The following TSHR variants were observed in gnomAD, a reference collection of about 807,000 sequenced individuals.
The protein encoded by TSHR is thyrotropin receptor.
Under a neutral mutation model 64.1 loss-of-function variants are expected in TSHR, and 51 were observed. The observed-to-expected ratio is 0.80, with a 90% confidence interval of 0.64 to 1.01. TSHR has a LOEUF of 1.01. Ranked by LOEUF, TSHR falls within the 50% of genes least tolerant of loss-of-function variation. TSHR has a pLI of 0.00. For synonymous variants in TSHR, 361 were observed against 361.9 expected, an observed-to-expected ratio of 1.00 and a Z score of 0.03; for missense variants, 877 against 942.8, an observed-to-expected ratio of 0.93 and a Z score of 0.91.
intron 1 of TSHR, among the ~76,000 whole-genome samples, chr14:81,026,146 C>G (rs1057087112): frequency 6.6e-6 from 1 of 152,166 alleles, no homozygotes; most frequent in Non-Finnish European, 1.5e-5. Context: ...TGATAAGCAG[C>G]TTGAGGCTGT....
intron 3 of TSHR, chr14:81,087,444 C>A: frequency 5.5e-6 from 1 of 181,752 alleles, no homozygotes; most frequent in Non-Finnish European, 1.2e-5. Flanking sequence ...CAAAATAAAC[C>A]CAAGTGAACT....
chr14:81,011,733 T>C lies in TSHR; in HGVS notation c.171-50415T>C, dbSNP rs568345410. Among the ~76,000 whole-genome samples the C allele has an allele frequency of 8.0e-4, 122 of 152,254 alleles. No individual in the cohort carries two copies. In the Middle Eastern group the frequency reaches 0.02, roughly 25 times the overall value. ...TAACTACTAGGAAAAACTTTATTTT[T>C]CTGTTTTAATTACATTAAAAAGTCC... On this transcript the variant is annotated intron_variant, in intron 1 of 9. Transcript: ENST00000298171.
rs1043963528 is a variant in TSHR at position 80,959,209 on chromosome 14, G to A, written c.170+3359G>A. Among the ~76,000 whole-genome samples, 6 of 152,198 alleles carry A rather than the reference G, an allele frequency of 3.9e-5. No individual in the cohort carries two copies. The South Asian group carries it at 1.2e-3, about 32-fold the overall frequency. ...TGCTTTACCTGAGTGGAAGGTGAGG[G>A]AGAGCTGGGATCCCTACTTCCCCCA... On this transcript the variant is annotated intron_variant, in intron 1 of 9. Transcript: ENST00000298171.
intron 1 of TSHR, among the ~76,000 whole-genome samples, chr14:81,002,615 A>G (rs1156815456): frequency 2.0e-5 from 3 of 151,848 alleles, no homozygotes; most frequent in Non-Finnish European, 4.4e-5. Context: ...TCTTCGCCCT[A>G]TTCCCTCCAT....
intron 7 of TSHR, among the ~76,000 whole-genome samples, chr14:81,102,277 T>A (rs1373794311): frequency 1.3e-5 from 2 of 152,110 alleles, no homozygotes; most frequent in African/African-American, 4.8e-5. Flanking sequence ...AGCTTTCTCC[T>A]CAGACCATAT....
Position 81,058,108 on chromosome 14 carries a change from C to T in TSHR, c.171-4040C>T, listed in dbSNP as rs543346232. 3.3e-5 allele frequency among the ~76,000 whole-genome samples: 5 copies of T among 152,338 alleles called. No individual in the cohort carries two copies. The East Asian group carries it at 5.8e-4, about 18-fold the overall frequency. On this transcript the variant is annotated intron_variant, in intron 1 of 9. Coordinates refer to ENST00000298171, the MANE Select transcript of TSHR (RefSeq NM_000369.5). ...AACAAAGAACTGTCAGCTCTCTTTA[C>T]ATTAACCATATTTCTCTCCCCCATT...
chr14:81,129,461 C>T lies in TSHR; in HGVS notation c.693-10218C>T, dbSNP rs552008612. On this transcript the variant is annotated intron_variant, in intron 8 of 9. Transcript: ENST00000298171. Reference sequence around the variant, plus strand: ...AACCTTGGTTAGGTCTAACCACCCACCTGCTGCAGGCCTGGGCTTTTGCAG... The same window carrying T: ...AACCTTGGTTAGGTCTAACCACCCATCTGCTGCAGGCCTGGGCTTTTGCAG... Among the ~76,000 whole-genome samples the T allele has an allele frequency of 2.6e-5, 4 of 152,338 alleles. No homozygotes were observed. In the East Asian group the frequency reaches 5.8e-4, roughly 22 times the overall value.
rs143470232 is a variant in TSHR at position 80,965,136 on chromosome 14, G to A, written c.170+9286G>A. 2.1e-3 allele frequency among the ~76,000 whole-genome samples: 322 copies of A among 152,268 alleles called. 4 individuals carry two copies. In the East Asian group the frequency reaches 0.048, roughly 23 times the overall value. ...AGGGAGGAGGAGGTAACGATTGGTC[G>A]GCTGCTTAATTGATCATGGGTTCAT... On this transcript the variant is annotated intron_variant, in intron 1 of 9. Transcript: ENST00000298171.
chr14:80,985,749 G>A (rs114963457), intron 1 of TSHR, among the ~76,000 whole-genome samples: 1 of 152,148 alleles, frequency 6.6e-6, no homozygotes, highest in African/African-American at 2.4e-5. Flanking sequence ...CCCCCCAGTT[G>A]TGTATTGTAA....
At chr14:81,090,650 A>G (rs1888656325) in intron 4 of TSHR, among the ~76,000 whole-genome samples, 1 of 152,198 alleles carries the variant, frequency 6.6e-6, no homozygotes, top group African/African-American at 2.4e-5. Context: ...AGAGCTTGAA[A>G]GAGGAAGCTG....
chr14:80,990,105 G>A (rs1246135283), intron 1 of TSHR, among the ~76,000 whole-genome samples: 1 of 152,206 alleles, frequency 6.6e-6, no homozygotes, highest in Non-Finnish European at 1.5e-5. Flanking sequence ...TAACGTACTG[G>A]TTAATAGATA....
At chr14:81,075,811 C>G (rs1405112222) in intron 3 of TSHR, among the ~76,000 whole-genome samples, 1 of 152,072 alleles carries the variant, frequency 6.6e-6, no homozygotes, top group African/African-American at 2.4e-5. Context: ...ACCCAAAGGA[C>G]TATAAATCAT....
At chr14:81,001,164 T>C in intron 1 of TSHR, 1 of 175,186 alleles carries the variant, frequency 5.7e-6, no homozygotes, top group South Asian at 1.4e-4. Context: ...CTGAATTTAT[T>C]CCCATGCCGT....
intron 8 of TSHR, among the ~76,000 whole-genome samples, chr14:81,127,481 G>T (rs913787310): frequency 6.6e-6 from 1 of 152,148 alleles, no homozygotes; most frequent in African/African-American, 2.4e-5. Context: ...TCAACATTGA[G>T]GAGGAGGCTA....
At chr14:80,980,959 A>G (rs1594913258) in intron 1 of TSHR, among the ~76,000 whole-genome samples, 1 of 151,490 alleles carries the variant, frequency 6.6e-6, no homozygotes, top group Admixed American at 6.6e-5. Context: ...TGTGGTTTTG[A>G]TCATGTCTTT....
chr14:81,018,459 T>C (rs941211893), intron 1 of TSHR, among the ~76,000 whole-genome samples: 6 of 152,236 alleles, frequency 3.9e-5, no homozygotes, highest in Non-Finnish European at 8.8e-5. Context: ...GTGATGCAAG[T>C]AATTTTGAAA....
chr14:80,989,217 CA>C (rs1242071104), intron 1 of TSHR, among the ~76,000 whole-genome samples: 17 of 152,184 alleles, frequency 1.1e-4, no homozygotes, highest in African/African-American at 3.9e-4. Flanking sequence ...TTTGTTACAG[CA>C]TTTTTTACAC....
chr14:81,011,717 G>A (rs950937151), intron 1 of TSHR, among the ~76,000 whole-genome samples: 29 of 152,074 alleles, frequency 1.9e-4, no homozygotes, highest in African/African-American at 7.0e-4. Context: ...GTAACTACTA[G>A]GAAAAACTTT....
chr14:80,974,766 T>A (rs575519143), intron 1 of TSHR, among the ~76,000 whole-genome samples: 1 of 152,346 alleles, frequency 6.6e-6, no homozygotes, highest in East Asian at 1.9e-4. Flanking sequence ...GGAGGGATTG[T>A]GCTTTCTTTT....
Sources: gnomAD v4.1 joint callset for allele counts (sites outside exome capture counted in the v4.1 genomes callset) on GRCh38, gnomAD v4.1.1 for gene constraint, MANE v1.5 for transcripts, NCBI Gene and HGNC (gene_info 2026-07-23, HGNC 2026-07-21) for gene names.